Variants in SLAIN2 observed in about 807,000 individuals in gnomAD.
The protein encoded by SLAIN2 is SLAIN motif-containing protein 2.
SLAIN2 carries 31 observed loss-of-function variants against 56.6 expected under a neutral mutation model. The ratio of observed to expected loss-of-function variants is 0.55; its 90% CI spans 0.41 to 0.74. SLAIN2 has a LOEUF of 0.74. Ranked by LOEUF, SLAIN2 falls within the 30% of genes least tolerant of loss-of-function variation. The pLI, the probability that SLAIN2 is intolerant of heterozygous loss-of-function variation, is 0.00. For synonymous variants in SLAIN2, 317 were observed against 284.9 expected, an observed-to-expected ratio of 1.11 and a Z score of -1.13; for missense variants, 777 against 754.2, an observed-to-expected ratio of 1.03 and a Z score of -0.35.
Position 48,348,560 on chromosome 4 carries a change from G to A in SLAIN2, c.389+6432G>A, listed in dbSNP as rs148371781. Among the ~76,000 whole-genome samples the A allele has an allele frequency of 5.1e-4, 77 of 152,034 alleles. 1 individual carries two copies. The highest frequency in any genetic ancestry group is 1.7e-3 in the African/African-American group (72 of 41,462). ...AAAATATTAGCTGGGCATGGTGGTG[G>A]GCGCCTGTAATCCCAGCTACTTGGG... On this transcript the variant is annotated intron_variant, in intron 1 of 7. Coordinates refer to ENST00000264313, the MANE Select transcript of SLAIN2 (RefSeq NM_020846.2).
intron 2 of SLAIN2, among the ~76,000 whole-genome samples, chr4:48,372,078 A>G (rs1715686308): frequency 6.6e-6 from 1 of 151,786 alleles, no homozygotes; most frequent in Non-Finnish European, 1.5e-5. Context: ...ACACACACAT[A>G]TATATCCCTA....
At chr4:48,367,779 A>C (rs1422619473) in intron 1 of SLAIN2, among the ~76,000 whole-genome samples, 1 of 152,148 alleles carries the variant, frequency 6.6e-6, no homozygotes, top group Non-Finnish European at 1.5e-5. Context: ...ATACCATAAA[A>C]TTTATTCATA....
intron 6 of SLAIN2, among the ~76,000 whole-genome samples, chr4:48,386,390 C>A (rs921601085): frequency 3.3e-5 from 5 of 152,144 alleles, no homozygotes; most frequent in Admixed American, 1.3e-4. Context: ...GTTGATTCAT[C>A]TTGAGCACTG....
chr4:48,389,703 A>G (rs1716186690), intron 6 of SLAIN2, among the ~76,000 whole-genome samples: 1 of 152,238 alleles, frequency 6.6e-6, no homozygotes, highest in Admixed American at 6.5e-5. Flanking sequence ...CAGTAATGAA[A>G]AGTCTTGAGA....
intron 1 of SLAIN2, among the ~76,000 whole-genome samples, chr4:48,360,411 GAA>G (rs1181816714): frequency 6.6e-6 from 1 of 151,952 alleles, no homozygotes; most frequent in Non-Finnish European, 1.5e-5. Flanking sequence ...GCCAACTTGG[GAA>G]AACCTGGTCT....
At chr4:48,387,611 ATATT>A (rs1321982695) in intron 6 of SLAIN2, 1 of 151,910 alleles carries the variant, frequency 6.6e-6, no homozygotes, top group African/African-American at 2.4e-5. Flanking sequence ...AAAATGTCAC[ATATT>A]TATTTTGGTA....
At chr4:48,418,380 T>G (rs1480730617) in intron 6 of SLAIN2, among the ~76,000 whole-genome samples, 1 of 152,164 alleles carries the variant, frequency 6.6e-6, no homozygotes, top group Non-Finnish European at 1.5e-5. Context: ...GTGTTGAATT[T>G]TGTCAGATGC....
rs1560446482 is a variant in SLAIN2 at position 48,341,712 on chromosome 4, C to T, written c.-28C>T. The T allele has an allele frequency of 2.0e-6, 3 of 1,521,568 alleles. No homozygotes were observed. The highest frequency in any genetic ancestry group is 2.6e-5 in the East Asian group (1 of 37,812). The allele number at this position is 1,521,568 out of a possible 1,614,324, so 94.3% of individuals were successfully genotyped here. On this transcript the variant is annotated 5_prime_UTR_variant, in exon 1 of 8. Coordinates refer to ENST00000264313, the MANE Select transcript of SLAIN2 (RefSeq NM_020846.2). ...TGTCGCTGCGAGAGCGAGCGGGCGGCGGAGGCGGCGGCGGCGGCGGGGCCG... is the reference window on the plus strand; with the variant it reads ...TGTCGCTGCGAGAGCGAGCGGGCGGTGGAGGCGGCGGCGGCGGCGGGGCCG...
chr4:48,381,946 A>C (rs1044267777), intron 4 of SLAIN2, among the ~76,000 whole-genome samples: 1 of 152,180 alleles, frequency 6.6e-6, no homozygotes, highest in African/African-American at 2.4e-5. Context: ...GTATCAAGCT[A>C]TATAGGAGAA....
intron 6 of SLAIN2, among the ~76,000 whole-genome samples, chr4:48,406,473 CA>C (rs1441092172): frequency 6.7e-6 from 1 of 149,644 alleles, no homozygotes; most frequent in Non-Finnish European, 1.5e-5. Flanking sequence ...GCGTAACATA[CA>C]ATATGTTTAC....
At chr4:48,393,660 A>G (rs1166040883) in intron 6 of SLAIN2, among the ~76,000 whole-genome samples, 6 of 152,132 alleles carry the variant, frequency 3.9e-5, no homozygotes, top group Non-Finnish European at 7.4e-5. Context: ...TTTTGCACAT[A>G]AACACTAAAG....
chr4:48,404,759 G>A (rs1439915732), intron 6 of SLAIN2, among the ~76,000 whole-genome samples: 1 of 152,146 alleles, frequency 6.6e-6, no homozygotes, highest in Non-Finnish European at 1.5e-5. Context: ...GATTACAGCT[G>A]TCAATTTCCT....
At chr4:48,342,711 C>CTTTTTGTTTTTT (rs1714751401) in intron 1 of SLAIN2, among the ~76,000 whole-genome samples, 1 of 65,938 alleles carries the variant, frequency 1.5e-5, no homozygotes, top group Non-Finnish European at 2.6e-5. Context: ...GATGGTGCTG[C>CTTTTTGTTTTTT]TTTTTTTTTT....
At chr4:48,377,336 A>AT (rs34493417) in intron 2 of SLAIN2, among the ~76,000 whole-genome samples, 84,742 of 117,450 alleles carry the variant, frequency 0.72, 31,048 homozygotes, top group East Asian at 0.85. Flanking sequence ...TGCCTGGCTA[A>AT]TTTTTTTTTT....
At chr4:48,377,663 T>C (rs1431143776) in intron 2 of SLAIN2, among the ~76,000 whole-genome samples, 1 of 152,198 alleles carries the variant, frequency 6.6e-6, no homozygotes, top group Non-Finnish European at 1.5e-5. Flanking sequence ...TAGGAGTTAC[T>C]CTTCCTGCAT....
intron 1 of SLAIN2, among the ~76,000 whole-genome samples, chr4:48,351,020 C>T (rs1714996391): frequency 6.6e-6 from 1 of 152,206 alleles, no homozygotes; most frequent in Non-Finnish European, 1.5e-5. Context: ...CAAATCATCT[C>T]CCACTTCTGC....
chr4:48,391,541 T>G lies in SLAIN2; in HGVS notation c.1360+7757T>G, dbSNP rs559352626. The stretch of plus-strand genomic sequence containing the variant: ...TAATAGAAAGCCGACCAACTTGGTT[T>G]TATTTTTGTTTCCAAATTGCCTACA... On this transcript the variant is annotated intron_variant, in intron 6 of 7. Transcript: ENST00000264313. Among the ~76,000 whole-genome samples the G allele has an allele frequency of 4.6e-5, 7 of 152,330 alleles. 1 individual carries two copies. The highest frequency in any genetic ancestry group is 3.4e-3 in the Middle Eastern group (1 of 294).
intron 3 of SLAIN2, among the ~76,000 whole-genome samples, chr4:48,378,681 C>T (rs986961531): frequency 6.6e-6 from 1 of 152,144 alleles, no homozygotes; most frequent in Non-Finnish European, 1.5e-5. Context: ...AAATTTTGAC[C>T]TGTGCACTCC....
intron 6 of SLAIN2, among the ~76,000 whole-genome samples, chr4:48,384,650 A>G (rs946249572): frequency 3.3e-5 from 5 of 152,190 alleles, no homozygotes; most frequent in Non-Finnish European, 7.4e-5. Flanking sequence ...ATAATTTTTA[A>G]TAAGTTTTGG....
Sources: allele counts gnomAD v4.1 joint callset (sites outside exome capture counted in the v4.1 genomes callset), GRCh38; gene constraint gnomAD v4.1.1; transcripts MANE v1.5; gene names NCBI Gene and HGNC (gene_info 2026-07-23, HGNC 2026-07-21).